PPM1N: variants seen among roughly 807,000 people sequenced by gnomAD.
The protein encoded by PPM1N is probable protein phosphatase 1N.
A neutral mutation model predicts 32.6 loss-of-function variants in PPM1N; 35 were observed. The observed-to-expected ratio is 1.07, with a 90% CI of 0.82 to 1.43. The LOEUF (loss-of-function observed/expected upper bound fraction) is 1.43, where lower values mean the gene tolerates loss of function less well. PPM1N is among the 40% of genes most tolerant of loss of function. PPM1N has a pLI of 0.00. For missense variants in PPM1N, 648 were observed against 606.6 expected, an observed-to-expected ratio of 1.07 and a Z score of -0.72; for synonymous variants, 275 against 270.5, an observed-to-expected ratio of 1.02 and a Z score of -0.16.
chr19:45,498,784 C>A lies in PPM1N; in HGVS notation c.312C>A (p.Gly104=). 1 of 1,555,210 alleles carries A rather than the reference C, an allele frequency of 6.4e-7. No homozygotes were observed. Among genetic ancestry groups the A allele is most frequent in the Non-Finnish European group, 8.7e-7 (1 of 1,155,620 alleles). ...PGWALFAVLD[G]HGGARAARFG... ...GGGCCTTGTTTGCCGTCCTCGACGG[C>A]CACGGTGGGGCTCGAGCTGCCCGCT... Residue 104 remains glycine (G), a synonymous_variant, in exon 1 of 5, where the codon GGC becomes GGA. Transcript: ENST00000451287.
Position 45,498,493 on chromosome 19 carries a change from GCTGCAGCGT to G in PPM1N, c.24_32del (p.Gln9_Leu11del). The G allele has an allele frequency of 4.4e-6, 6 of 1,358,150 alleles. No homozygotes were observed. Among genetic ancestry groups the G allele is most frequent in the Non-Finnish European group, 5.7e-6 (6 of 1,053,584 alleles). 84.1% of individuals were successfully genotyped at this position (1,358,150 alleles called of 1,614,324 possible). ...GAAGGATGGCGGTCCTGGCCCGCCA[GCTGCAGCGT>G]CTCCTCTGGACCGCTTGCAAGAAAA... On this transcript the variant is annotated inframe_deletion, in exon 1 of 5. Coordinates refer to ENST00000451287, the MANE Select transcript of PPM1N (RefSeq NM_001080401.2).
In PPM1N at chr19:45,498,529, G is replaced by C; in HGVS notation, c.57G>C (p.Lys19Asn). ...QRLLWTACKK[K>N]EREKEGREEE... ...TCCTCTGGACCGCTTGCAAGAAAAA[G>C]GAGAGGGAGAAGGAGGGGAGGGAGG... The change falls in exon 1 of 5, where the codon AAG becomes AAC. Residue 19 changes from lysine to asparagine, a missense_variant. Physicochemically the swap from Lys to Asn is moderately conservative, Grantham distance 94 (BLOSUM62 0). Transcript: ENST00000451287. The C allele has an allele frequency of 2.8e-6, 4 of 1,427,436 alleles. No homozygotes were observed. The highest frequency in any genetic ancestry group is 3.7e-6 in the Non-Finnish European group (4 of 1,095,088). 88.4% of individuals were successfully genotyped at this position (1,427,436 alleles called of 1,614,324 possible). A position where few individuals can be genotyped will look rare whatever the true frequency, so the allele number is the denominator to read the frequency against.
intron 1 of PPM1N, chr19:45,499,673 G>A: frequency 1.3e-6 from 2 of 1,548,308 alleles, no homozygotes; most frequent in Non-Finnish European, 1.7e-6. Flanking sequence ...GCGATTCTGG[G>A]TCGTAGGAGC....
chr19:45,500,675 TCTC>T lies in PPM1N; in HGVS notation c.1190_1192del (p.Ser397_Gln398delinsTer). On this transcript the variant is annotated stop_gained and inframe_deletion, in exon 4 of 5. Coordinates refer to ENST00000451287, the MANE Select transcript of PPM1N (RefSeq NM_001080401.2). LOFTEE classifies it low-confidence loss of function (END_TRUNC). ...GGCCACTGTCATTGCTGAAGTTTATTCTCAGATCTGCCAGGTCTCAGAAGAGTG... is the reference window on the plus strand; with the variant it reads ...GGCCACTGTCATTGCTGAAGTTTATTAGATCTGCCAGGTCTCAGAAGAGTG... 2.5e-6 allele frequency: 4 copies of T among 1,604,334 alleles called. No individual in the cohort carries two copies. Among genetic ancestry groups the T allele is most frequent in the Non-Finnish European group, 2.6e-6 (3 of 1,175,652 alleles).
At chr19:45,499,685 G>A in intron 1 of PPM1N, 2 of 1,547,814 alleles carry the variant, frequency 1.3e-6, no homozygotes, top group Non-Finnish European at 1.7e-6. Flanking sequence ...CGTAGGAGCC[G>A]GGCCGGAAGT....
At chr19:45,500,747 G>C in intron 4 of PPM1N, 37 bp downstream of exon 4, 1 of 1,536,302 alleles carries the variant, frequency 6.5e-7, no homozygotes, top group Non-Finnish European at 8.8e-7. Flanking sequence ...TCTCTTAGGA[G>C]GGGACGCCCC....
Position 45,502,495 on chromosome 19 carries a change from A to T in PPM1N, c.*410A>T, listed in dbSNP as rs1968435029. 5 of 351,556 alleles carry T rather than the reference A, an allele frequency of 1.4e-5. No homozygotes were observed. In the South Asian group the frequency reaches 2.5e-4, roughly 18 times the overall value. The allele number at this position is 351,556 out of a possible 1,614,324, so 21.8% of individuals were successfully genotyped here. On this transcript the variant is annotated 3_prime_UTR_variant, in exon 5 of 5. Coordinates refer to ENST00000451287, the MANE Select transcript of PPM1N (RefSeq NM_001080401.2). ...TATTTACATAAGTGATTCCAAATAC[A>T]TTTTCTTGTAAAAAACAAGAAGACA...
In PPM1N at chr19:45,500,045, G is replaced by A. The variant is rs1458951432; in HGVS notation, c.1036G>A (p.Ala346Thr). The change falls in exon 2 of 5, where the codon GCC becomes ACC. Residue 346 changes from alanine to threonine, a missense_variant. Coordinates refer to ENST00000451287, the MANE Select transcript of PPM1N (RefSeq NM_001080401.2). ...AIRRELALDA[A>T]LGCRIAELCA... The stretch of plus-strand genomic sequence containing the variant: ...CAGGAGGGAGCTAGCACTGGACGCA[G>A]CCCTGGGCTGCAGAATCGCTGGTGA... The A allele has an allele frequency of 6.3e-7, 1 of 1,596,002 alleles. No homozygotes were observed. Among genetic ancestry groups the A allele is most frequent in the Admixed American group, 1.7e-5 (1 of 58,050 alleles).
intron 2 of PPM1N, 124 bp from the exon 3 acceptor site, chr19:45,500,332 A>G: frequency 1.1e-6 from 1 of 883,358 alleles, no homozygotes; most frequent in Non-Finnish European, 1.7e-6. Flanking sequence ...ACGGGGTTTC[A>G]CGATGTTGTC....
chr19:45,498,801 C>T lies in PPM1N; in HGVS notation c.329C>T (p.Ala110Val). 1 of 1,549,076 alleles carries T rather than the reference C, an allele frequency of 6.5e-7. No individual in the cohort carries two copies. Among genetic ancestry groups the T allele is most frequent in the Non-Finnish European group, 8.7e-7 (1 of 1,154,140 alleles). The change falls in exon 1 of 5, where the codon GCT (alanine) becomes GTT (valine). Residue 110 changes from alanine to valine, a missense_variant. By Grantham distance (64) the Ala-to-Val change is moderately conservative (BLOSUM62 0). Coordinates refer to ENST00000451287, the MANE Select transcript of PPM1N (RefSeq NM_001080401.2). ...AVLDGHGGAR[A>V]ARFGARHLPG... ...CTCGACGGCCACGGTGGGGCTCGAG[C>T]TGCCCGCTTCGGTGCACGCCATTTG...
rs982229019 is a variant in PPM1N at position 45,498,655 on chromosome 19, G to A, written c.183G>A (p.Ala61=). 4 of 1,431,104 alleles carry A rather than the reference G, an allele frequency of 2.8e-6. No individual in the cohort carries two copies. Among genetic ancestry groups the A allele is most frequent in the South Asian group, 1.5e-5 (1 of 67,686 alleles). The allele number at this position is 1,431,104 out of a possible 1,614,324, so 88.7% of individuals were successfully genotyped here. Residue 61 remains alanine, a synonymous_variant, in exon 1 of 5, where the codon GCG becomes GCA. Transcript: ENST00000451287. The part of the protein sequence containing the change: ...RAQRPHGGAE[A]SGGLRFGASA... ...AGCGGCCGCACGGGGGTGCCGAGGC[G>A]TCTGGGGGCCTGCGCTTCGGGGCGA...
Position 45,499,408 on chromosome 19 carries a change from C to A in PPM1N, c.936C>A (p.Cys312Ter). The A allele has an allele frequency of 6.2e-7, 1 of 1,602,684 alleles. No individual in the cohort carries two copies. Among genetic ancestry groups the A allele is most frequent in the South Asian group, 1.1e-5 (1 of 89,378 alleles). ...LCAQLLDTCL[C>*]KGSLDNMTCI... ...CGCAGCTGTTGGACACGTGTCTGTG[C>A]AAGGTCCTGGGGGCGTGGCGTGGTA... The change falls in exon 1 of 5, where the codon TGC becomes TGA. Residue 312 changes from cysteine to a stop codon, truncating the protein, a stop_gained. Coordinates refer to ENST00000451287, the MANE Select transcript of PPM1N (RefSeq NM_001080401.2). LOFTEE classifies it high-confidence loss of function.
rs751282672 is a variant in PPM1N, at chr19:45,498,877, C to T, written c.405C>T (p.Gly135=). 6.6e-7 allele frequency: 1 copy of T among 1,516,398 alleles called. No individual in the cohort carries two copies. The highest frequency in any genetic ancestry group is 8.8e-7 in the Non-Finnish European group (1 of 1,142,022). The allele number at this position is 1,516,398 out of a possible 1,614,324, so 93.9% of individuals were successfully genotyped here. The change falls in exon 1 of 5, where the codon GGC becomes GGT. Residue 135 remains glycine, a synonymous_variant. Coordinates refer to ENST00000451287, the MANE Select transcript of PPM1N (RefSeq NM_001080401.2). ...ELGPEPSEPE[G]VREALRRAFL... ...GCCCGGAGCCTAGCGAGCCCGAGGG[C>T]GTGCGCGAGGCGCTGCGCCGAGCCT...
chr19:45,499,583 C>T lies in PPM1N; in HGVS notation c.939+172C>T, dbSNP rs548032057. On this transcript the variant is annotated intron_variant, in intron 1 of 4. Transcript: ENST00000451287. ...AGTGGGCAGGGCCAAAATACAGGGG[C>T]GGAGCCTGAGGGATGCTTTGAGGCA... 3.4e-4 allele frequency: 526 copies of T among 1,549,326 alleles called. 2 individuals carry two copies. The highest frequency in any genetic ancestry group is 5.1e-4 in the Admixed American group (26 of 50,956).
chr19:45,500,388 G>T, intron 2 of PPM1N, 68 bp from the exon 3 acceptor site: 3 of 1,400,642 alleles, frequency 2.1e-6, no homozygotes, highest in Non-Finnish European at 3.0e-6. Flanking sequence ...GCCCGCCTTG[G>T]TCTCCCAAAG....
chr19:45,501,917 ATT>A, intron 4 of PPM1N, 98 bp from the exon 5 acceptor site: 1 of 777,870 alleles, frequency 1.3e-6, no homozygotes, highest in Non-Finnish European at 1.9e-6. Flanking sequence ...ACCTTAATGG[ATT>A]GTGAGATGGG....
chr19:45,500,753 G>GCAC, intron 4 of PPM1N, 43 bp downstream of exon 4: 6 of 1,478,562 alleles, frequency 4.1e-6, no homozygotes, highest in South Asian at 2.4e-5. Context: ...AGGAGGGGAC[G>GCAC]CCCCCCCGCC....
intron 1 of PPM1N, 107 bp from the exon 2 acceptor site, chr19:45,499,842 G>T: frequency 1.3e-6 from 2 of 1,503,568 alleles, no homozygotes; most frequent in South Asian, 1.3e-5. Context: ...GGACGCGAAA[G>T]AAATGGGCAT....
chr19:45,501,130 C>T (rs983059436), intron 4 of PPM1N, among the ~76,000 whole-genome samples: 2 of 152,230 alleles, frequency 1.3e-5, no homozygotes, highest in African/African-American at 4.8e-5. Context: ...AAATGTGAGC[C>T]GGCAACGCTC....
Sources: gnomAD v4.1 joint callset for allele counts (sites outside exome capture counted in the v4.1 genomes callset) on GRCh38, gnomAD v4.1.1 for gene constraint, MANE v1.5 for transcripts, NCBI Gene and HGNC (gene_info 2026-07-23, HGNC 2026-07-21) for gene names.